The following RERG variants were observed in gnomAD, a reference collection of about 807,000 sequenced individuals.
RERG encodes the protein RAS like estrogen regulated growth inhibitor.
A neutral mutation model predicts 23.2 loss-of-function variants in RERG; 25 were observed. The observed-to-expected ratio is 1.08, with a 90% confidence interval of 0.79 to 1.50. The LOEUF (loss-of-function observed/expected upper bound fraction) is 1.50. Ranked by LOEUF, RERG falls within the 40% of genes most tolerant of loss-of-function variation. The pLI is 0.00. For missense variants in RERG, 253 were observed against 250.1 expected, an observed-to-expected ratio of 1.01 and a Z score of -0.08; for synonymous variants, 81 against 89.1, an observed-to-expected ratio of 0.91 and a Z score of 0.51.
At chr12:15,143,134 C>A (rs1276505358) in intron 2 of RERG, among the ~76,000 whole-genome samples, 1 of 152,112 alleles carries the variant, frequency 6.6e-6, no homozygotes, top group Non-Finnish European at 1.5e-5. Context: ...GTGTTAGTAA[C>A]TATTACCAAA....
intron 2 of RERG, among the ~76,000 whole-genome samples, chr12:15,208,164 TG>T (rs1865318259): frequency 1.3e-5 from 2 of 152,272 alleles, no homozygotes; most frequent in South Asian, 4.1e-4. Flanking sequence ...ATCTCCTGCC[TG>T]AGTTTCCACC....
At chr12:15,190,443 G>A (rs1470946650) in intron 2 of RERG, among the ~76,000 whole-genome samples, 1 of 152,100 alleles carries the variant, frequency 6.6e-6, no homozygotes, top group African/African-American at 2.4e-5. Context: ...GTAAATAGTG[G>A]GAATGTCTTG....
At chr12:15,134,082 C>G (rs999832368) in intron 2 of RERG, among the ~76,000 whole-genome samples, 4 of 151,680 alleles carry the variant, frequency 2.6e-5, no homozygotes, top group African/African-American at 9.7e-5. Flanking sequence ...GTTTTTTTCA[C>G]AGAGAAGTTC....
chr12:15,186,998 AT>A (rs1309761177), intron 2 of RERG, among the ~76,000 whole-genome samples: 1 of 152,126 alleles, frequency 6.6e-6, no homozygotes, highest in African/African-American at 2.4e-5. Context: ...TAACATGGGG[AT>A]AATTTGATTT....
intron 2 of RERG, among the ~76,000 whole-genome samples, chr12:15,143,288 T>C (rs370032218): frequency 1.3e-5 from 2 of 151,912 alleles, no homozygotes; most frequent in East Asian, 3.9e-4. Context: ...CATATACACA[T>C]TCATATATGT....
In RERG at chr12:15,194,497, G is replaced by GCCCGATCTC. The variant is rs1279484516; in HGVS notation, c.61+22923_61+22931dup. Among the ~76,000 whole-genome samples, 10 of 81,216 alleles carry GCCCGATCTC rather than the reference G, an allele frequency of 1.2e-4. 1 individual carries two copies. In the Admixed American group the frequency reaches 1.5e-3, roughly 12 times the overall value. The allele number at this position is 81,216 out of a possible 152,430, so 53.3% of individuals were successfully genotyped here. On this transcript the variant is annotated intron_variant, in intron 2 of 4. Transcript: ENST00000256953. Reference sequence around the variant, plus strand: ...AAAAAACAAAGAAGAGGAAGAAGGAGCCCGATCTCCCTAAAAAAAAAAAGC... The same window carrying GCCCGATCTC: ...AAAAAACAAAGAAGAGGAAGAAGGAGCCCGATCTCCCCGATCTCCCTAAAAAAAAAAAGC...
In RERG at chr12:15,109,055, G is replaced by A. The variant is rs1000925354; in HGVS notation, c.*55C>T. On this transcript the variant is annotated 3_prime_UTR_variant, in exon 5 of 5. Transcript: ENST00000256953. ...CAATATTTTGTTTTATTTTTGAAAG[G>A]GGAACAGAAGGGGAAGAGTGTTTCC... The A allele has an allele frequency of 1.4e-6, 2 of 1,427,488 alleles. No individual in the cohort carries two copies. Among genetic ancestry groups the A allele is most frequent in the African/African-American group, 2.9e-5 (2 of 69,568 alleles). 88.4% of individuals were successfully genotyped at this position (1,427,488 alleles called of 1,614,324 possible).
chr12:15,175,450 T>G (rs1864837608), intron 2 of RERG, among the ~76,000 whole-genome samples: 1 of 148,954 alleles, frequency 6.7e-6, no homozygotes, highest in Non-Finnish European at 1.5e-5. Flanking sequence ...CTTCATTTCC[T>G]GCTTGCACAG....
intron 2 of RERG, among the ~76,000 whole-genome samples, chr12:15,211,265 AT>A (rs1256601124): frequency 6.7e-6 from 1 of 149,334 alleles, no homozygotes; most frequent in Non-Finnish European, 1.5e-5. Flanking sequence ...GGATAAATGG[AT>A]TTTAGAATGT....
chr12:15,152,046 A>T (rs1864451640), intron 2 of RERG: 1 of 152,228 alleles, frequency 6.6e-6, no homozygotes, highest in Non-Finnish European at 1.5e-5. Context: ...ACATGAAATA[A>T]CCCAGGAACT....
intron 2 of RERG, among the ~76,000 whole-genome samples, chr12:15,145,001 C>G (rs1864306681): frequency 6.6e-6 from 1 of 152,094 alleles, no homozygotes; most frequent in African/African-American, 2.4e-5. Flanking sequence ...TTTCTTTTTT[C>G]CATTCCTTCT....
At chr12:15,132,468 C>G (rs980789749) in intron 2 of RERG, among the ~76,000 whole-genome samples, 1 of 152,168 alleles carries the variant, frequency 6.6e-6, no homozygotes, top group African/African-American at 2.4e-5. Flanking sequence ...TGGTTGCTCC[C>G]AGTTTTTGGC....
At chr12:15,132,713 G>A (rs934434814) in intron 2 of RERG, among the ~76,000 whole-genome samples, 1 of 152,060 alleles carries the variant, frequency 6.6e-6, no homozygotes, top group African/African-American at 2.4e-5. Flanking sequence ...ATATAGCTTT[G>A]TCAGGTTTTT....
intron 2 of RERG, among the ~76,000 whole-genome samples, chr12:15,193,714 C>T (rs1327793372): frequency 2.0e-5 from 3 of 152,124 alleles, no homozygotes; most frequent in Non-Finnish European, 4.4e-5. Flanking sequence ...GAGTGCTGTA[C>T]TTAGAGCTGG....
intron 2 of RERG, among the ~76,000 whole-genome samples, chr12:15,192,861 G>A (rs890124830): frequency 1.3e-5 from 2 of 152,118 alleles, no homozygotes; most frequent in Admixed American, 6.6e-5. Flanking sequence ...CCCATAATGA[G>A]GATAAGCATT....
At chr12:15,126,933 C>T (rs1358671315) in intron 2 of RERG, among the ~76,000 whole-genome samples, 8 of 151,808 alleles carry the variant, frequency 5.3e-5, no homozygotes, top group Non-Finnish European at 1.0e-4. Context: ...TTAGCCAGGA[C>T]GGTCTTGATC....
chr12:15,113,614 A>G (rs1315370005), intron 3 of RERG, among the ~76,000 whole-genome samples: 1 of 151,996 alleles, frequency 6.6e-6, no homozygotes, highest in Admixed American at 6.5e-5. Context: ...TTCCAATAGT[A>G]GTAAAATAAA....
intron 2 of RERG, among the ~76,000 whole-genome samples, chr12:15,166,088 G>A (rs1864683170): frequency 6.6e-6 from 1 of 152,174 alleles, no homozygotes; most frequent in Non-Finnish European, 1.5e-5. Context: ...TTAACTCCAT[G>A]AGAACCCTCA....
At chr12:15,127,287 G>A (rs1863965630) in intron 2 of RERG, among the ~76,000 whole-genome samples, 1 of 152,160 alleles carries the variant, frequency 6.6e-6, no homozygotes, top group South Asian at 2.1e-4. Flanking sequence ...GTGCCCAATA[G>A]GTATTTGAGA....
Sources: gnomAD v4.1 joint callset for allele counts (sites outside exome capture counted in the v4.1 genomes callset) on GRCh38, gnomAD v4.1.1 for gene constraint, MANE v1.5 for transcripts, NCBI Gene and HGNC (gene_info 2026-07-23, HGNC 2026-07-21) for gene names.